Variants in RORA observed in about 807,000 individuals in gnomAD.
RORA encodes nuclear receptor ROR-alpha.
RORA carries 7 observed loss-of-function variants against 69.5 expected under a neutral mutation model. That is an observed-to-expected ratio of 0.10 (90% CI 0.06 to 0.19). RORA has a LOEUF of 0.19. Ranked by LOEUF, RORA falls within the 10% of genes least tolerant of loss-of-function variation. The pLI, the probability that RORA is intolerant of heterozygous loss-of-function variation, is 1.00. For missense variants in RORA, 457 were observed against 663.0 expected (o/e 0.69, Z 3.41); for synonymous variants, 261 against 240.8 (o/e 1.08, Z -0.78).
chr15:61,194,807 C>G (rs1257412993), intron 1 of RORA, among the ~76,000 whole-genome samples: 1 of 151,984 alleles, frequency 6.6e-6, no homozygotes, highest in African/African-American at 2.4e-5. Context: ...GTTTGTATTC[C>G]AGTCATATAA....
chr15:60,858,424 A>T (rs2073403143), intron 1 of RORA, among the ~76,000 whole-genome samples: 1 of 152,192 alleles, frequency 6.6e-6, no homozygotes, highest in East Asian at 1.9e-4. Flanking sequence ...AAGACCAGGG[A>T]CATTTTCTCC....
chr15:60,988,897 G>C (rs1894289557), intron 1 of RORA, among the ~76,000 whole-genome samples: 1 of 152,114 alleles, frequency 6.6e-6, no homozygotes. Context: ...TTACACCGAA[G>C]GAAAGAAGGA....
chr15:61,215,582 C>G (rs2080033516), intron 1 of RORA, among the ~76,000 whole-genome samples: 1 of 152,158 alleles, frequency 6.6e-6, no homozygotes, highest in South Asian at 2.1e-4. Context: ...GCAACATAAG[C>G]CAAGCATTTT....
In RORA at chr15:60,943,440, A is replaced by G. The variant is rs867193345; in HGVS notation, c.167-264754T>C. Among the ~76,000 whole-genome samples, 9 of 152,112 alleles carry G rather than the reference A, an allele frequency of 5.9e-5. No homozygotes were observed. In the South Asian group the frequency reaches 1.2e-3, roughly 21 times the overall value. The stretch of plus-strand genomic sequence containing the variant: ...CTGTATCAAGGTCATACTTAAAAAG[A>G]GATGTTATTTCTTGATCAGGGTTTT... On this transcript the variant is annotated intron_variant, in intron 1 of 10. Coordinates refer to ENST00000335670, the MANE Select transcript of RORA (RefSeq NM_134261.3).
chr15:60,752,507 A>G (rs182467030), intron 1 of RORA, among the ~76,000 whole-genome samples: 1 of 152,170 alleles, frequency 6.6e-6, no homozygotes, highest in East Asian at 1.9e-4. Flanking sequence ...GGCAGTTCCC[A>G]ATCCTGTGAT....
chr15:60,695,088 A>T (rs1267349046), intron 1 of RORA, among the ~76,000 whole-genome samples: 1 of 152,062 alleles, frequency 6.6e-6, no homozygotes, highest in Non-Finnish European at 1.5e-5. Context: ...GATAGTAATG[A>T]TCCCTGTGCC....
chr15:60,865,242 TG>T (rs1287481717), intron 1 of RORA, among the ~76,000 whole-genome samples: 5 of 152,198 alleles, frequency 3.3e-5, no homozygotes, highest in African/African-American at 1.2e-4. Context: ...GCCTGAAACC[TG>T]GCTCTTTACT....
At chr15:60,993,529 G>T (rs1215408947) in intron 1 of RORA, among the ~76,000 whole-genome samples, 3 of 151,422 alleles carry the variant, frequency 2.0e-5, no homozygotes, top group Non-Finnish European at 2.9e-5. Flanking sequence ...TGTAATCCTG[G>T]CTACTCTGGA....
Position 61,192,343 on chromosome 15 carries a change from C to A in RORA, c.166+36710G>T, listed in dbSNP as rs145982204. On this transcript the variant is annotated intron_variant, in intron 1 of 10. Coordinates refer to ENST00000335670, the MANE Select transcript of RORA (RefSeq NM_134261.3). The stretch of plus-strand genomic sequence containing the variant: ...TTACTCTGGATTGCCAGTTTCCTAA[C>A]CAGGCTACAAGGGATCCAGCATACT... Among the ~76,000 whole-genome samples, 563 of 152,334 alleles carry A rather than the reference C, an allele frequency of 3.7e-3. 2 individuals carry two copies. Among genetic ancestry groups the A allele is most frequent in the African/African-American group, 0.013 (539 of 41,562 alleles).
intron 1 of RORA, among the ~76,000 whole-genome samples, chr15:60,789,767 G>T (rs1234322016): frequency 2.0e-5 from 3 of 152,236 alleles, no homozygotes; most frequent in Non-Finnish European, 4.4e-5. Flanking sequence ...CAAATGAAGG[G>T]TCCTGAAGTT....
At position 60,488,670 on chromosome 15, in the gene RORA, A is replaced by T. The variant is rs1300611209; in HGVS notation, c.*8785T>A. On this transcript the variant is annotated 3_prime_UTR_variant, in exon 11 of 11. Coordinates refer to ENST00000335670, the MANE Select transcript of RORA (RefSeq NM_134261.3). ...TCAATACTAGTTTTAGGATTCCCAT[A>T]AATGGCTTGCATTTTTAGTGTGGCA... 1 of 152,236 alleles carries T rather than the reference A, an allele frequency of 6.6e-6. No individual in the cohort carries two copies. The highest frequency in any genetic ancestry group is 1.5e-5 in the Non-Finnish European group (1 of 68,058). 9.4% of individuals were successfully genotyped at this position (152,236 alleles called of 1,614,324 possible).
intron 2 of RORA, among the ~76,000 whole-genome samples, chr15:60,571,084 A>G (rs2067867070): frequency 1.3e-5 from 2 of 151,910 alleles, no homozygotes; most frequent in Admixed American, 6.6e-5. Flanking sequence ...AGTAGTTTCT[A>G]TAATCAATTC....
At chr15:61,056,285 G>A (rs782953) in intron 1 of RORA, among the ~76,000 whole-genome samples, 144,285 of 152,256 alleles carry the variant, frequency 0.95, 68,413 homozygotes, top group Admixed American at 0.96. Flanking sequence ...GGTGGTTATT[G>A]GCATCCTTCC....
intron 1 of RORA, chr15:60,681,722 T>C (rs1237751697): frequency 2.0e-5 from 3 of 152,188 alleles, no homozygotes; most frequent in Middle Eastern, 6.4e-3. Context: ...CTCATTTTCC[T>C]AGAGGTTACA....
At chr15:60,999,730 A>C (rs966866195) in intron 1 of RORA, among the ~76,000 whole-genome samples, 4 of 152,140 alleles carry the variant, frequency 2.6e-5, no homozygotes, top group Non-Finnish European at 4.4e-5. Context: ...GCCCTTGTGC[A>C]TGTGAACAAT....
intron 1 of RORA, among the ~76,000 whole-genome samples, chr15:61,191,618 C>T (rs925380152): frequency 6.6e-6 from 1 of 152,202 alleles, no homozygotes; most frequent in Non-Finnish European, 1.5e-5. Flanking sequence ...CTCTATCGTT[C>T]CTTCCAATGG....
intron 1 of RORA, among the ~76,000 whole-genome samples, chr15:61,104,419 C>G (rs945314989): frequency 2.6e-5 from 4 of 152,156 alleles, no homozygotes; most frequent in African/African-American, 9.7e-5. Flanking sequence ...AGGATGGTGC[C>G]TCTGAGTTCT....
chr15:60,555,763 C>T (rs7176448), intron 2 of RORA, among the ~76,000 whole-genome samples: 151,020 of 152,042 alleles, frequency 0.99, 75,012 homozygotes, highest in Non-Finnish European at 1. Context: ...TTCCTTTTTT[C>T]TTACTACTTT....
In RORA at chr15:60,632,443, T is replaced by C. The variant is rs1213476853; in HGVS notation, c.196+46214A>G. On this transcript the variant is annotated intron_variant, in intron 2 of 10. Transcript: ENST00000335670. ...GTATTTTCTAAAGGGTCAGATAGAC[T>C]TAGGTGTAGGTTGGCCCGAGAAAAT... is the stretch of plus-strand genomic sequence containing the variant. Among the ~76,000 whole-genome samples, 4 of 152,156 alleles carry C rather than the reference T, an allele frequency of 2.6e-5. No individual in the cohort carries two copies. The South Asian group carries it at 8.3e-4, about 32-fold the overall frequency.
Sources: allele counts gnomAD v4.1 joint callset (sites outside exome capture counted in the v4.1 genomes callset), GRCh38; gene constraint gnomAD v4.1.1; transcripts MANE v1.5; gene names NCBI Gene and HGNC (gene_info 2026-07-23, HGNC 2026-07-21).